ASGR2: variants seen among roughly 807,000 people sequenced by gnomAD.
The protein encoded by ASGR2 is C-type lectin domain family 4 member H2.
In ASGR2, 34 loss-of-function variants were observed where a neutral mutation model predicts 32.3. The ratio of observed to expected loss-of-function variants is 1.05; its 90% CI spans 0.80 to 1.40. The LOEUF (loss-of-function observed/expected upper bound fraction) is 1.40, where lower values mean the gene tolerates loss of function less well. Ranked by LOEUF, ASGR2 falls within the 40% of genes most tolerant of loss-of-function variation. The pLI is 0.00. For synonymous variants in ASGR2, 143 were observed against 150.0 expected, an observed-to-expected ratio of 0.95 and a Z score of 0.34; for missense variants, 385 against 386.4, an observed-to-expected ratio of 1.00 and a Z score of 0.03.
intron 2 of ASGR2, among the ~76,000 whole-genome samples, chr17:7,109,097 A>G (rs749842833): frequency 6.6e-6 from 1 of 152,006 alleles, no homozygotes; most frequent in Non-Finnish European, 1.5e-5. Flanking sequence ...ATAAATATAC[A>G]CACGCAGCTA....
rs1042924848 is a variant in ASGR2, at chr17:7,114,695, A to C, written c.-151T>G. ...CCAAGGAGGGGTTAAAGCCAGGAGA[A>C]CTGGGGCAGGTGGAGCTCACAGGGG... On this transcript the variant is annotated 5_prime_UTR_variant, in exon 1 of 9. Transcript: ENST00000691900. This position sits in a 1 kb window ranked among gnomAD's most constrained non-coding sequence, Gnocchi z 4.5. 27 of 1,017,606 alleles carry C rather than the reference A, an allele frequency of 2.7e-5. No homozygotes were observed. The African/African-American group carries it at 4.5e-4, about 17-fold the overall frequency. 63.0% of individuals were successfully genotyped at this position (1,017,606 alleles called of 1,614,324 possible).
intron 2 of ASGR2, 125 bp from the exon 3 acceptor site, chr17:7,109,013 T>A (rs1416657618): frequency 3.2e-5 from 18 of 559,632 alleles, no homozygotes; most frequent in African/African-American, 4.6e-5. Context: ...TGGGGGGGGG[T>A]CATCATAGGC....
Position 7,107,761 on chromosome 17 carries a change from GCACACGTACACACTACA to G in ASGR2, c.409+58_409+74del, listed in dbSNP as rs1914012668. 6 of 524,446 alleles carry G rather than the reference GCACACGTACACACTACA, an allele frequency of 1.1e-5. No individual in the cohort carries two copies. Among genetic ancestry groups the G allele is most frequent in the Non-Finnish European group, 1.8e-5 (6 of 340,012 alleles). 32.5% of individuals were successfully genotyped at this position (524,446 alleles called of 1,614,324 possible). ...CGCACACGTGCACACTACACACACC[GCACACGTACACACTACA>G]CACACCGCACACGTACACATGCACG... On this transcript the variant is annotated intron_variant, in intron 5 of 8. Coordinates refer to ENST00000691900, the MANE Select transcript of ASGR2 (RefSeq NM_001201352.2). This position sits in a 1 kb window ranked among gnomAD's most constrained non-coding sequence, Gnocchi z 5.0.
Position 7,107,455 on chromosome 17 carries a change from C to T in ASGR2, c.410-138G>A. 2.4e-6 allele frequency: 2 copies of T among 827,198 alleles called. No individual in the cohort carries two copies. Among genetic ancestry groups the T allele is most frequent in the Non-Finnish European group, 3.9e-6 (2 of 515,432 alleles). 51.2% of individuals were successfully genotyped at this position (827,198 alleles called of 1,614,324 possible). A position where few individuals can be genotyped will look rare whatever the true frequency, so the allele number is the denominator to read the frequency against. On this transcript the variant is annotated intron_variant, in intron 5 of 8. Transcript: ENST00000691900. The surrounding 1 kb of genome is among the most constrained non-coding windows in gnomAD (Gnocchi z 5.0). ...CACACCACACACCATACCACACACACACCACAGACATGTACACCACACATA... is the reference window on the plus strand; with the variant it reads ...CACACCACACACCATACCACACACATACCACAGACATGTACACCACACATA...
chr17:7,108,512 C>A lies in ASGR2; in HGVS notation c.287G>T (p.Ser96Ile), dbSNP rs932960234. Residue 96 changes from serine (S) to isoleucine (I), a missense_variant, in exon 4 of 9, where the codon AGC (serine) becomes ATC (isoleucine). Physicochemically the swap from Ser to Ile is moderately radical, Grantham distance 142. Coordinates refer to ENST00000691900, the MANE Select transcript of ASGR2 (RefSeq NM_001201352.2). The surrounding 1 kb of genome is among the most constrained non-coding windows in gnomAD (Gnocchi z 4.9). ...AELRSLKEAF[S>I]NFSSSTLTEV... ...CGTCAGGGTGCTCGAGGAGAAGTTGCTGAAAGCTTCCTTCAGGCTCCGCAG... is the reference window on the plus strand; with the variant it reads ...CGTCAGGGTGCTCGAGGAGAAGTTGATGAAAGCTTCCTTCAGGCTCCGCAG... 1 of 1,610,252 alleles carries A rather than the reference C, an allele frequency of 6.2e-7. No individual in the cohort carries two copies. The highest frequency in any genetic ancestry group is 8.5e-7 in the Non-Finnish European group (1 of 1,178,464).
chr17:7,110,074 C>T (rs1305813558), intron 2 of ASGR2, among the ~76,000 whole-genome samples: 8 of 152,096 alleles, frequency 5.3e-5, no homozygotes. Context: ...CCTGGGGAGG[C>T]TCAGTCAGGG....
At chr17:7,104,038 A>G (rs1913238871) in intron 7 of ASGR2, among the ~76,000 whole-genome samples, 1 of 150,822 alleles carries the variant, frequency 6.6e-6, no homozygotes, top group Non-Finnish European at 1.5e-5. Flanking sequence ...AAGGAAATGA[A>G]AAGTTTGAGC....
intron 7 of ASGR2, 59 bp from the exon 8 acceptor site, chr17:7,102,255 G>T: frequency 7.0e-7 from 1 of 1,435,564 alleles, no homozygotes; most frequent in South Asian, 1.2e-5. Context: ...CTCCCTCCAT[G>T]CAGGCATGGA....
rs1914255753 is a variant in ASGR2, at chr17:7,108,960, G to A, written c.125-72C>T. ...CGGAGGGTAAAGACAGGGCACCGAA[G>A]CCTGAGGAGGCATAACCTGGGCGGG... is the stretch of plus-strand genomic sequence containing the variant. On this transcript the variant is annotated intron_variant, in intron 2 of 8. Coordinates refer to ENST00000691900, the MANE Select transcript of ASGR2 (RefSeq NM_001201352.2). This position sits in a 1 kb window ranked among gnomAD's most constrained non-coding sequence, Gnocchi z 4.9. 1 of 1,304,052 alleles carries A rather than the reference G, an allele frequency of 7.7e-7. No homozygotes were observed. The highest frequency in any genetic ancestry group is 1.6e-5 in the African/African-American group (1 of 63,564). The allele number at this position is 1,304,052 out of a possible 1,614,324, so 80.8% of individuals were successfully genotyped here.
chr17:7,108,999 G>GC lies in ASGR2; in HGVS notation c.125-112dup. On this transcript the variant is annotated intron_variant, in intron 2 of 8. Coordinates refer to ENST00000691900, the MANE Select transcript of ASGR2 (RefSeq NM_001201352.2). The surrounding 1 kb of genome is among the most constrained non-coding windows in gnomAD (Gnocchi z 4.9). ...AACCTGGGCGGGGGGATTGGTTGGG[G>GC]CCATGGGGGGGGGTCATCATAGGCT... is the stretch of plus-strand genomic sequence containing the variant. 2.0e-6 allele frequency: 1 copy of GC among 492,708 alleles called. No individual in the cohort carries two copies. The highest frequency in any genetic ancestry group is 3.6e-6 in the Non-Finnish European group (1 of 281,410). The allele number at this position is 492,708 out of a possible 1,614,324, so 30.5% of individuals were successfully genotyped here.
In ASGR2 at chr17:7,107,916, G is replaced by C; in HGVS notation, c.338-9C>G. ...GTCACCCACGCTGCCTCCTGGAAGC[G>C]GAAAGCCAGCTGTTTCCCCGCTGAG... On this transcript the variant is annotated splice_polypyrimidine_tract_variant and intron_variant, in intron 4 of 8. Coordinates refer to ENST00000691900, the MANE Select transcript of ASGR2 (RefSeq NM_001201352.2). The surrounding 1 kb of genome is among the most constrained non-coding windows in gnomAD (Gnocchi z 5.0). The C allele has an allele frequency of 6.2e-7, 1 of 1,613,814 alleles. No individual in the cohort carries two copies. Among genetic ancestry groups the C allele is most frequent in the South Asian group, 1.1e-5 (1 of 91,066 alleles).
intron 2 of ASGR2, among the ~76,000 whole-genome samples, chr17:7,111,839 GCATGGCAAAACCCCTCTA>G (rs1338923727): frequency 2.7e-5 from 4 of 149,452 alleles, no homozygotes; most frequent in Admixed American, 6.7e-5. Context: ...AGTCTGGGCA[GCATGGCAAAACCCCTCTA>G]CATGGCAAAA....
At chr17:7,111,802 A>G (rs926536980) in intron 2 of ASGR2, among the ~76,000 whole-genome samples, 5 of 151,260 alleles carry the variant, frequency 3.3e-5, no homozygotes, top group South Asian at 2.1e-4. Flanking sequence ...CACGGGGGGA[A>G]TCACTTGAGC....
intron 7 of ASGR2, among the ~76,000 whole-genome samples, chr17:7,102,854 G>A (rs568050691): frequency 1.2e-4 from 19 of 152,288 alleles, no homozygotes; most frequent in African/African-American, 4.6e-4. Flanking sequence ...GACAATCGGG[G>A]CAAAATAGGA....
intron 2 of ASGR2, among the ~76,000 whole-genome samples, chr17:7,109,203 A>C (rs1914306972): frequency 6.7e-6 from 1 of 149,848 alleles, no homozygotes; most frequent in African/African-American, 2.5e-5. Context: ...GGAGACGCAC[A>C]GGGGGCGGGG....
At chr17:7,106,253 CAAAA>C (rs1266085215) in intron 7 of ASGR2, among the ~76,000 whole-genome samples, 1 of 151,966 alleles carries the variant, frequency 6.6e-6, no homozygotes, top group Admixed American at 6.6e-5. Flanking sequence ...ATGCAAGTGA[CAAAA>C]AAATCAAGGA....
upstream of ASGR2, chr17:7,114,865 G>A: frequency 1.0e-6 from 1 of 986,726 alleles, no homozygotes. This position sits in a 1 kb window ranked among gnomAD's most constrained non-coding sequence, Gnocchi z 4.5. Flanking sequence ...TGTGGGGTGG[G>A]GGCAGGGGAC....
At chr17:7,105,831 C>G (rs144224183) in intron 7 of ASGR2, among the ~76,000 whole-genome samples, 1 of 151,064 alleles carries the variant, frequency 6.6e-6, no homozygotes. Flanking sequence ...CACTGTCACC[C>G]GGGCTGGAGT....
Position 7,108,969 on chromosome 17 carries a change from G to A in ASGR2, c.125-81C>T, listed in dbSNP as rs1412793665. ...AAGACAGGGCACCGAAGCCTGAGGA[G>A]GCATAACCTGGGCGGGGGGATTGGT... is the stretch of plus-strand genomic sequence containing the variant. On this transcript the variant is annotated intron_variant, in intron 2 of 8. Coordinates refer to ENST00000691900, the MANE Select transcript of ASGR2 (RefSeq NM_001201352.2). The surrounding 1 kb of genome is among the most constrained non-coding windows in gnomAD (Gnocchi z 4.9). The A allele has an allele frequency of 2.2e-5, 29 of 1,342,874 alleles. No homozygotes were observed. Among genetic ancestry groups the A allele is most frequent in the Non-Finnish European group, 2.8e-5 (28 of 1,004,774 alleles). The allele number at this position is 1,342,874 out of a possible 1,614,324, so 83.2% of individuals were successfully genotyped here. A position where few individuals can be genotyped will look rare whatever the true frequency, so the allele number is the denominator to read the frequency against.
Sources: allele counts gnomAD v4.1 joint callset (sites outside exome capture counted in the v4.1 genomes callset), GRCh38; gene constraint gnomAD v4.1.1; non-coding constraint Gnocchi (gnomAD v3.1); transcripts MANE v1.5; gene names NCBI Gene and HGNC (gene_info 2026-07-23, HGNC 2026-07-21).